Variants in PARD3 observed in about 807,000 individuals in gnomAD.
PARD3 encodes partitioning defective 3 homolog.
A neutral mutation model predicts 155.4 loss-of-function variants in PARD3; 75 were observed. The observed-to-expected ratio is 0.48, with a 90% CI of 0.40 to 0.58. PARD3 has a LOEUF of 0.58. Among genes scored for constraint, PARD3 ranks in the 20% least tolerant of loss-of-function variants. PARD3 has a pLI of 0.00. For synonymous variants in PARD3, 576 were observed against 610.5 expected (o/e 0.94, Z 0.83); for missense variants, 1,642 against 1,721.7 (o/e 0.95, Z 0.82).
At chr10:34,611,703 C>T (rs1200805809) in intron 2 of PARD3, among the ~76,000 whole-genome samples, 2 of 151,832 alleles carry the variant, frequency 1.3e-5, no homozygotes, top group East Asian at 1.9e-4. Context: ...AGGCCCCGTA[C>T]GCAATTTTCC....
chr10:34,672,654 G>A (rs1238215290), intron 2 of PARD3, among the ~76,000 whole-genome samples: 1 of 152,210 alleles, frequency 6.6e-6, no homozygotes, highest in Non-Finnish European at 1.5e-5. Context: ...CTGAGCTCTG[G>A]CCTGGGCAAC....
chr10:34,436,861 AG>A (rs1259075475), intron 5 of PARD3, among the ~76,000 whole-genome samples: 2 of 152,196 alleles, frequency 1.3e-5, no homozygotes, highest in Admixed American at 1.3e-4. Context: ...TTATATAAAA[AG>A]GTGAAAAGAG....
intron 4 of PARD3, among the ~76,000 whole-genome samples, chr10:34,469,310 T>C (rs961323704): frequency 2.0e-5 from 3 of 152,158 alleles, no homozygotes; most frequent in African/African-American, 7.2e-5. Flanking sequence ...GGGGTTTTGC[T>C]ATGTTGGCCA....
chr10:34,589,125 C>T (rs2088393705), intron 2 of PARD3, among the ~76,000 whole-genome samples: 1 of 151,926 alleles, frequency 6.6e-6, no homozygotes, highest in Non-Finnish European at 1.5e-5. Flanking sequence ...ACAAATGGTC[C>T]AAAACTCAAC....
At chr10:34,523,848 T>C (rs1443100855) in intron 2 of PARD3, among the ~76,000 whole-genome samples, 2 of 152,172 alleles carry the variant, frequency 1.3e-5, no homozygotes, top group African/African-American at 4.8e-5. Flanking sequence ...AATTCAAAAA[T>C]CACTTTTCGT....
At chr10:34,284,080 G>GAAA in intron 21 of PARD3, 55 bp downstream of exon 21, 2 of 762,080 alleles carry the variant, frequency 2.6e-6, no homozygotes, top group East Asian at 3.3e-5. Flanking sequence ...AAAGTAGAAA[G>GAAA]AAAAAAAAAA....
chr10:34,729,777 G>C (rs1213902163), intron 1 of PARD3, among the ~76,000 whole-genome samples: 3 of 152,160 alleles, frequency 2.0e-5, no homozygotes, highest in Admixed American at 6.5e-5. Context: ...GTCTCCTGGA[G>C]GAGCCGGAAA....
intron 2 of PARD3, among the ~76,000 whole-genome samples, chr10:34,631,237 C>T (rs1327621400): frequency 1.3e-5 from 2 of 152,182 alleles, no homozygotes; most frequent in African/African-American, 4.8e-5. Flanking sequence ...TCCTCTCCTG[C>T]CCTTCAACCA....
In PARD3 at chr10:34,427,723, C is replaced by T. The variant is rs192864396; in HGVS notation, c.714+22594G>A. On this transcript the variant is annotated intron_variant, in intron 5 of 24. Coordinates refer to ENST00000374788, the MANE Select transcript of PARD3 (RefSeq NM_001184785.2). Reference sequence around the variant, plus strand: ...GCTCAGGGGGCATCACGGAACCTGCCGACATGTGATGTCTCCCCCAGCTTT... The same window carrying T: ...GCTCAGGGGGCATCACGGAACCTGCTGACATGTGATGTCTCCCCCAGCTTT... Among the ~76,000 whole-genome samples, 96 of 152,092 alleles carry T rather than the reference C, an allele frequency of 6.3e-4. 1 individual carries two copies. Among genetic ancestry groups the T allele is most frequent in the South Asian group, 6.2e-3 (30 of 4,818 alleles).
At chr10:34,534,739 G>A (rs1185884874) in intron 2 of PARD3, among the ~76,000 whole-genome samples, 1 of 152,136 alleles carries the variant, frequency 6.6e-6, no homozygotes, top group Non-Finnish European at 1.5e-5. Context: ...GGCCAGGCAT[G>A]GTGGCTCACA....
chr10:34,149,919 A>T (rs1009406091), intron 22 of PARD3, among the ~76,000 whole-genome samples: 3 of 152,212 alleles, frequency 2.0e-5, no homozygotes, highest in African/African-American at 7.2e-5. Context: ...AGGTAGTCAT[A>T]TCAATTTTGT....
intron 1 of PARD3, among the ~76,000 whole-genome samples, chr10:34,777,276 C>A (rs1181880067): frequency 6.6e-6 from 1 of 152,128 alleles, no homozygotes. Flanking sequence ...CTTCCCTCCA[C>A]CATCCCACCC....
chr10:34,628,290 T>G (rs531941249), intron 2 of PARD3, among the ~76,000 whole-genome samples: 1 of 152,318 alleles, frequency 6.6e-6, no homozygotes, highest in South Asian at 2.1e-4. Flanking sequence ...CTACAGAGTA[T>G]TCAAGTAGTC....
intron 2 of PARD3, among the ~76,000 whole-genome samples, chr10:34,519,396 A>C (rs958160529): frequency 1.3e-5 from 2 of 152,182 alleles, no homozygotes; most frequent in African/African-American, 4.8e-5. Flanking sequence ...CTGAAGTATA[A>C]AATTATTTCA....
rs1253463897 is a variant in PARD3 at position 34,341,833 on chromosome 10, G to A, written c.2219-17C>T. 1.3e-6 allele frequency: 2 copies of A among 1,515,348 alleles called. No individual in the cohort carries two copies. The highest frequency in any genetic ancestry group is 1.2e-5 in the South Asian group (1 of 83,048). 93.9% of individuals were successfully genotyped at this position (1,515,348 alleles called of 1,614,324 possible). A position where few individuals can be genotyped will look rare whatever the true frequency, so the allele number is the denominator to read the frequency against. Reference sequence around the variant, plus strand: ...GGTATTTACCTGTCCAGTGAAAAAAGAAGAAGAGAAAATTCTAGACATCGA... The same window carrying A: ...GGTATTTACCTGTCCAGTGAAAAAAAAAGAAGAGAAAATTCTAGACATCGA... On this transcript the variant is annotated splice_polypyrimidine_tract_variant and intron_variant, in intron 15 of 24. Transcript: ENST00000374788.
At chr10:34,279,984 T>C (rs1956085248) in intron 21 of PARD3, among the ~76,000 whole-genome samples, 1 of 152,208 alleles carries the variant, frequency 6.6e-6, no homozygotes, top group South Asian at 2.1e-4. Flanking sequence ...CAAGCACAAC[T>C]TACTATGCAG....
chr10:34,749,137 T>C (rs1203759298), intron 1 of PARD3, among the ~76,000 whole-genome samples: 2 of 152,224 alleles, frequency 1.3e-5, no homozygotes, highest in African/African-American at 4.8e-5. Flanking sequence ...TGCTTTTATT[T>C]TCCCTTTATC....
chr10:34,609,201 C>T (rs746168963), intron 2 of PARD3, among the ~76,000 whole-genome samples: 1 of 152,058 alleles, frequency 6.6e-6, no homozygotes, highest in Non-Finnish European at 1.5e-5. Context: ...ATTTAGAATC[C>T]CCAGGTACAT....
chr10:34,811,980 C>A (rs770345712), intron 1 of PARD3, among the ~76,000 whole-genome samples: 1 of 152,178 alleles, frequency 6.6e-6, no homozygotes, highest in Admixed American at 6.5e-5. Flanking sequence ...CTATTCCCAA[C>A]CATCAGTGAT....
Sources: gnomAD v4.1 joint callset for allele counts (sites outside exome capture counted in the v4.1 genomes callset) on GRCh38, gnomAD v4.1.1 for gene constraint, MANE v1.5 for transcripts, NCBI Gene and HGNC (gene_info 2026-07-23, HGNC 2026-07-21) for gene names.